Variants in NALF1 observed in about 807,000 individuals in gnomAD.
The protein encoded by NALF1 is family with sequence similarity 155 member A.
Under a neutral mutation model 48.4 loss-of-function variants are expected in NALF1, and 3 were observed. That is an observed-to-expected ratio of 0.06 (90% confidence interval 0.03 to 0.16). The LOEUF (loss-of-function observed/expected upper bound fraction) is 0.16. Ranked by LOEUF, NALF1 falls within the 10% of genes least tolerant of loss-of-function variation. NALF1 has a pLI of 1.00. For missense variants in NALF1, 526 were observed against 571.5 expected (o/e 0.92, Z 0.81); for synonymous variants, 262 against 245.7 (o/e 1.07, Z -0.62).
chr13:107,752,833 G>A (rs1262122940), intron 1 of NALF1, among the ~76,000 whole-genome samples: 1 of 152,158 alleles, frequency 6.6e-6, no homozygotes, highest in Non-Finnish European at 1.5e-5. Context: ...CAGGACATAC[G>A]TAAACCTGTT....
intron 1 of NALF1, among the ~76,000 whole-genome samples, chr13:107,225,306 C>T (rs1214794468): frequency 1.3e-5 from 2 of 152,034 alleles, no homozygotes; most frequent in Admixed American, 6.6e-5. Context: ...ACTTACTGTG[C>T]CTGGCCTTAT....
intron 1 of NALF1, among the ~76,000 whole-genome samples, chr13:107,498,345 T>G (rs988460552): frequency 6.6e-6 from 1 of 152,108 alleles, no homozygotes; most frequent in African/African-American, 2.4e-5. Flanking sequence ...ATTGAAGAGC[T>G]TGGGAGAGGA....
chr13:107,569,249 C>T (rs958310000), intron 1 of NALF1, among the ~76,000 whole-genome samples: 1 of 151,738 alleles, frequency 6.6e-6, no homozygotes, highest in African/African-American at 2.4e-5. Context: ...GCGGGTGGAT[C>T]ACGAGGTCAG....
At chr13:107,359,220 G>C (rs2138952965) in intron 1 of NALF1, among the ~76,000 whole-genome samples, 1 of 151,796 alleles carries the variant, frequency 6.6e-6, no homozygotes, top group South Asian at 2.1e-4. Flanking sequence ...ATTTCTCCTT[G>C]AACACTCAAA....
intron 1 of NALF1, among the ~76,000 whole-genome samples, chr13:107,848,852 C>T (rs760490193): frequency 5.3e-5 from 8 of 152,196 alleles, no homozygotes; most frequent in Admixed American, 1.3e-4. Context: ...CAAGAATCTA[C>T]TTACCAGCAT....
At chr13:107,741,078 G>A (rs908595812) in intron 1 of NALF1, among the ~76,000 whole-genome samples, 2 of 152,144 alleles carry the variant, frequency 1.3e-5, no homozygotes, top group South Asian at 2.1e-4. Flanking sequence ...TATCAGTAGC[G>A]TTTTGTGAAT....
intron 1 of NALF1, among the ~76,000 whole-genome samples, chr13:107,378,315 T>C (rs914930896): frequency 3.3e-5 from 5 of 152,168 alleles, no homozygotes; most frequent in Non-Finnish European, 5.9e-5. Context: ...TGGCTTTGTA[T>C]ACTTGAGTTA....
chr13:107,805,925 T>A (rs1041106962), intron 1 of NALF1, among the ~76,000 whole-genome samples: 4 of 152,166 alleles, frequency 2.6e-5, no homozygotes, highest in Admixed American at 2.6e-4. Flanking sequence ...AATTAAAAGG[T>A]CAATCCCAAC....
chr13:107,254,908 A>G (rs1223985134), intron 1 of NALF1, among the ~76,000 whole-genome samples: 1 of 152,228 alleles, frequency 6.6e-6, no homozygotes, highest in Non-Finnish European at 1.5e-5. Context: ...AGTAGTGGTA[A>G]GTAAACATCA....
At chr13:107,531,583 A>G (rs1876641863) in intron 1 of NALF1, among the ~76,000 whole-genome samples, 1 of 152,148 alleles carries the variant, frequency 6.6e-6, no homozygotes, top group South Asian at 2.1e-4. Flanking sequence ...AGTGACACTA[A>G]TCATCAATAT....
At chr13:107,179,671 T>TA (rs3071017) in intron 2 of NALF1, among the ~76,000 whole-genome samples, 59,582 of 137,524 alleles carry the variant, frequency 0.43, 13,297 homozygotes, top group Middle Eastern at 0.57. Flanking sequence ...TTTTGAAAAC[T>TA]AAAAAAAAAA....
At chr13:107,625,472 G>A (rs1004401287) in intron 1 of NALF1, among the ~76,000 whole-genome samples, 1 of 152,016 alleles carries the variant, frequency 6.6e-6, no homozygotes, top group African/African-American at 2.4e-5. Context: ...GTATCTTAGG[G>A]ACATTGCAAA....
chr13:107,409,370 T>C (rs1353256048), intron 1 of NALF1, among the ~76,000 whole-genome samples: 2 of 152,028 alleles, frequency 1.3e-5, no homozygotes, highest in African/African-American at 4.8e-5. Flanking sequence ...TAATGCAGAA[T>C]TGCAAACTGT....
chr13:107,215,969 A>G (rs1879864880), intron 1 of NALF1, among the ~76,000 whole-genome samples: 1 of 152,214 alleles, frequency 6.6e-6, no homozygotes, highest in Non-Finnish European at 1.5e-5. Flanking sequence ...CCTGCTGAAA[A>G]AATATCATGT....
In NALF1 at chr13:107,385,552, C is replaced by CAAAAAAAAAAAAAAAAAA. The variant is rs201307018; in HGVS notation, c.916-174815_916-174798dup. 5.9e-5 allele frequency among the ~76,000 whole-genome samples: 7 copies of CAAAAAAAAAAAAAAAAAA among 118,290 alleles called. 1 individual carries two copies. Among genetic ancestry groups the CAAAAAAAAAAAAAAAAAA allele is most frequent in the East Asian group, 2.6e-4 (1 of 3,876 alleles). The allele number at this position is 118,290 out of a possible 152,430, so 77.6% of individuals were successfully genotyped here. A position where few individuals can be genotyped will look rare whatever the true frequency, so the allele number is the denominator to read the frequency against. ...TGGGTGCCAGAGCGAGATTCCATCT[C>CAAAAAAAAAAAAAAAAAA]AAAAAAAAAAAAAAAAAAAAAAAAA... On this transcript the variant is annotated intron_variant, in intron 1 of 2. Coordinates refer to ENST00000375915, the MANE Select transcript of NALF1 (RefSeq NM_001080396.3).
chr13:107,346,756 T>A (rs1484235271), intron 1 of NALF1, among the ~76,000 whole-genome samples: 1 of 152,250 alleles, frequency 6.6e-6, no homozygotes, highest in African/African-American at 2.4e-5. Flanking sequence ...AAATTTATGT[T>A]ATTTGTTTTT....
intron 1 of NALF1, among the ~76,000 whole-genome samples, chr13:107,828,616 C>T (rs573752053): frequency 0.023 from 3,166 of 135,894 alleles, 60 homozygotes; most frequent in African/African-American, 0.053. Context: ...TACACACACA[C>T]ACACACACAC....
chr13:107,235,341 C>T (rs564668644), intron 1 of NALF1, among the ~76,000 whole-genome samples: 3 of 152,190 alleles, frequency 2.0e-5, no homozygotes, highest in South Asian at 2.1e-4. Flanking sequence ...TTTGTCAACA[C>T]CTACTTTTCT....
At position 107,802,049 on chromosome 13, in the gene NALF1, C is replaced by T. The variant is rs537029382; in HGVS notation, c.915+63633G>A. On this transcript the variant is annotated intron_variant, in intron 1 of 2. Coordinates refer to ENST00000375915, the MANE Select transcript of NALF1 (RefSeq NM_001080396.3). The stretch of plus-strand genomic sequence containing the variant: ...GTGTGAAACCTGTTCTATGCAAACA[C>T]CTCAAGATGAAAGTCTCTTTGCTAT... Among the ~76,000 whole-genome samples, 3 of 152,274 alleles carry T rather than the reference C, an allele frequency of 2.0e-5. No individual in the cohort carries two copies. In the East Asian group the frequency reaches 5.8e-4, roughly 29 times the overall value.
Sources: gnomAD v4.1 joint callset for allele counts (sites outside exome capture counted in the v4.1 genomes callset) on GRCh38, gnomAD v4.1.1 for gene constraint, MANE v1.5 for transcripts, NCBI Gene and HGNC (gene_info 2026-07-23, HGNC 2026-07-21) for gene names.